The following ZNF804B variants were observed in gnomAD, a reference collection of about 807,000 sequenced individuals.
The protein encoded by ZNF804B is zinc finger protein 804B.
In ZNF804B, 80 loss-of-function variants were observed where a neutral mutation model predicts 101.4. The observed-to-expected ratio is 0.79, with a 90% CI of 0.66 to 0.95. The LOEUF (loss-of-function observed/expected upper bound fraction) is 0.95. ZNF804B is among the 40% of genes least tolerant of loss of function. The pLI is 0.00. For synonymous variants in ZNF804B, 622 were observed against 558.8 expected, an observed-to-expected ratio of 1.11 and a Z score of -1.59; for missense variants, 1,673 against 1,561.9, an observed-to-expected ratio of 1.07 and a Z score of -1.20.
At chr7:89,164,279 G>A (rs910999596) in intron 1 of ZNF804B, among the ~76,000 whole-genome samples, 1 of 152,026 alleles carries the variant, frequency 6.6e-6, no homozygotes, top group African/African-American at 2.4e-5. Flanking sequence ...GTCCAGGACA[G>A]TAATTTGAGA....
chr7:89,168,766 T>A (rs954102210), intron 1 of ZNF804B, among the ~76,000 whole-genome samples: 1 of 148,802 alleles, frequency 6.7e-6, no homozygotes, highest in Non-Finnish European at 1.5e-5. Context: ...ATAAAACATA[T>A]CCTTATTCAT....
chr7:89,280,857 A>T (rs912994399), intron 2 of ZNF804B, among the ~76,000 whole-genome samples: 1 of 152,238 alleles, frequency 6.6e-6, no homozygotes, highest in Admixed American at 6.5e-5. Flanking sequence ...TCCTTCTGAA[A>T]CTATTCCAAT....
At chr7:88,989,548 C>G (rs917537245) in intron 1 of ZNF804B, among the ~76,000 whole-genome samples, 1 of 152,036 alleles carries the variant, frequency 6.6e-6, no homozygotes, top group African/African-American at 2.4e-5. Context: ...TCAGAATGCT[C>G]AGGCTTAGAG....
chr7:88,875,862 G>T (rs1264095528), intron 1 of ZNF804B, among the ~76,000 whole-genome samples: 1 of 152,122 alleles, frequency 6.6e-6, no homozygotes, highest in Non-Finnish European at 1.5e-5. Context: ...AACCAAAAAA[G>T]AGAATTTTAG....
intron 1 of ZNF804B, among the ~76,000 whole-genome samples, chr7:89,113,938 G>A (rs1790262742): frequency 6.6e-6 from 1 of 151,188 alleles, no homozygotes; most frequent in Non-Finnish European, 1.5e-5. Flanking sequence ...AAAAAAAAAG[G>A]GAACACATTT....
intron 1 of ZNF804B, among the ~76,000 whole-genome samples, chr7:88,897,465 C>G (rs1039655282): frequency 2.6e-5 from 4 of 152,150 alleles, no homozygotes; most frequent in African/African-American, 4.8e-5. Flanking sequence ...GTCTTGCTGA[C>G]ACCTTAATTT....
At chr7:88,939,316 T>C (rs1390169158) in intron 1 of ZNF804B, among the ~76,000 whole-genome samples, 1 of 152,022 alleles carries the variant, frequency 6.6e-6, no homozygotes, top group Non-Finnish European at 1.5e-5. Context: ...ATAGTTATTG[T>C]GCTCTATGGC....
At chr7:89,161,626 C>T (rs9785037) in intron 1 of ZNF804B, among the ~76,000 whole-genome samples, 1 of 151,346 alleles carries the variant, frequency 6.6e-6, no homozygotes, top group Non-Finnish European at 1.5e-5. Flanking sequence ...TGGGCTCAAG[C>T]GATCCTCCCA....
intron 1 of ZNF804B, among the ~76,000 whole-genome samples, chr7:89,052,999 TTTC>T (rs1789232998): frequency 6.6e-6 from 1 of 152,174 alleles, no homozygotes; most frequent in African/African-American, 2.4e-5. Flanking sequence ...AAGTCATTGA[TTTC>T]TTCTTTAACA....
At chr7:89,024,393 C>T (rs1169015174) in intron 1 of ZNF804B, among the ~76,000 whole-genome samples, 2 of 151,984 alleles carry the variant, frequency 1.3e-5, no homozygotes, top group Non-Finnish European at 2.9e-5. Flanking sequence ...GTTTCCCTTC[C>T]TTTTATATGT....
intron 1 of ZNF804B, among the ~76,000 whole-genome samples, chr7:89,155,375 C>T (rs990708255): frequency 2.0e-5 from 3 of 152,084 alleles, no homozygotes; most frequent in African/African-American, 7.2e-5. Context: ...GATTTCTCAT[C>T]CATAATATCT....
At chr7:89,092,613 A>G (rs569576914) in intron 1 of ZNF804B, among the ~76,000 whole-genome samples, 2 of 151,982 alleles carry the variant, frequency 1.3e-5, no homozygotes, top group East Asian at 3.9e-4. Context: ...GTGTTTCACC[A>G]TATTGGCCAG....
intron 1 of ZNF804B, among the ~76,000 whole-genome samples, chr7:88,978,594 G>A (rs1342810686): frequency 6.7e-6 from 1 of 150,150 alleles, no homozygotes. Flanking sequence ...GTCTATGTGT[G>A]TCTTTCTAGG....
In ZNF804B at chr7:88,785,536, C is replaced by T. The variant is rs569770522; in HGVS notation, c.108+25452C>T. On this transcript the variant is annotated intron_variant, in intron 1 of 3. Transcript: ENST00000333190. The stretch of plus-strand genomic sequence containing the variant: ...TAATGCATAACTAACCATAGTATTT[C>T]TCTCATAAAAATAAAACTGCTTTCC... 1.5e-4 allele frequency among the ~76,000 whole-genome samples: 23 copies of T among 152,170 alleles called. 1 individual carries two copies. The South Asian group carries it at 4.3e-3, about 29-fold the overall frequency.
At chr7:88,863,523 T>A (rs1464981457) in intron 1 of ZNF804B, among the ~76,000 whole-genome samples, 1 of 151,862 alleles carries the variant, frequency 6.6e-6, no homozygotes, top group Non-Finnish European at 1.5e-5. Flanking sequence ...AGAAGCCCTA[T>A]TTTTTTTAAC....
intron 2 of ZNF804B, among the ~76,000 whole-genome samples, chr7:89,272,792 C>T (rs958284073): frequency 2.6e-5 from 4 of 152,028 alleles, no homozygotes; most frequent in Non-Finnish European, 5.9e-5. Flanking sequence ...TATACACCAC[C>T]TACCATCAGA....
At chr7:89,047,821 C>T (rs544859253) in intron 1 of ZNF804B, among the ~76,000 whole-genome samples, 6 of 152,096 alleles carry the variant, frequency 3.9e-5, no homozygotes, top group South Asian at 2.1e-4. Flanking sequence ...AGAACCACTC[C>T]GTGATCAGTG....
At chr7:89,053,654 CCTCTT>C (rs1401332475) in intron 1 of ZNF804B, among the ~76,000 whole-genome samples, 1 of 151,782 alleles carries the variant, frequency 6.6e-6, no homozygotes, top group Non-Finnish European at 1.5e-5. Context: ...TGATTTCCTT[CCTCTT>C]CTCTTTTCTT....
rs775357315 is a variant in ZNF804B at position 88,952,009 on chromosome 7, A to G, written c.108+191925A>G. ...TTCATGTATTGGAAAGGAAATGCTT[A>G]AGAGAATATTCATTTAGCTACAAAG... On this transcript the variant is annotated intron_variant, in intron 1 of 3. Transcript: ENST00000333190. 2.0e-5 allele frequency among the ~76,000 whole-genome samples: 3 copies of G among 151,956 alleles called. No homozygotes were observed. In the South Asian group the frequency reaches 6.2e-4, roughly 31 times the overall value.
Sources: allele counts gnomAD v4.1 joint callset (sites outside exome capture counted in the v4.1 genomes callset), GRCh38; gene constraint gnomAD v4.1.1; transcripts MANE v1.5; gene names NCBI Gene and HGNC (gene_info 2026-07-23, HGNC 2026-07-21).